MYO5B: variants seen among roughly 807,000 people sequenced by gnomAD.
The protein encoded by MYO5B is myosin VB.
In MYO5B, 143 loss-of-function variants were observed where a neutral mutation model predicts 229.3. The ratio of observed to expected loss-of-function variants is 0.62; its 90% confidence interval spans 0.54 to 0.72. The LOEUF is 0.72. Among genes scored for constraint, MYO5B ranks in the 30% least tolerant of loss-of-function variants. The probability of loss-of-function intolerance (pLI) is 0.00; values close to 1 mark genes in which losing one functional copy is unlikely to be tolerated. For missense variants in MYO5B, 2,321 were observed against 2,331.0 expected, an observed-to-expected ratio of 1.00 and a Z score of 0.09; for synonymous variants, 918 against 885.2, an observed-to-expected ratio of 1.04 and a Z score of -0.66.
chr18:50,105,632 TTTC>T lies in MYO5B; in HGVS notation c.28-50257_28-50255del, dbSNP rs534296202. Among the ~76,000 whole-genome samples the T allele has an allele frequency of 3.4e-3, 517 of 151,078 alleles. 3 individuals are homozygous for T. Among genetic ancestry groups the T allele is most frequent in the African/African-American group, 0.012 (490 of 40,404 alleles). On this transcript the variant is annotated intron_variant, in intron 1 of 39. Coordinates refer to ENST00000285039, the MANE Select transcript of MYO5B (RefSeq NM_001080467.3). ...AAAATTACTATGTTTGCAGGGTGCA[TTTC>T]TTTTTTTTTTTCTTTTTTGCAGTGT...
chr18:49,981,773 G>A (rs145493980), intron 8 of MYO5B, among the ~76,000 whole-genome samples: 75 of 152,216 alleles, frequency 4.9e-4, no homozygotes, highest in South Asian at 3.7e-3. Context: ...ATTTGAATAC[G>A]TGGTATTAGC....
At chr18:49,880,499 A>G (rs2024574743) in intron 22 of MYO5B, 44 bp from the exon 23 acceptor site, 1 of 1,469,474 alleles carries the variant, frequency 6.8e-7, no homozygotes, top group South Asian at 1.1e-5. Flanking sequence ...GATGCTGGGA[A>G]GAGGAGAGGC....
intron 9 of MYO5B, among the ~76,000 whole-genome samples, chr18:49,979,533 A>C (rs1260043494): frequency 6.6e-6 from 1 of 152,230 alleles, no homozygotes; most frequent in African/African-American, 2.4e-5. Context: ...CCCCAACTCT[A>C]GACAAACAGA....
intron 21 of MYO5B, among the ~76,000 whole-genome samples, chr18:49,896,232 A>G (rs1273330137): frequency 6.6e-6 from 1 of 152,168 alleles, no homozygotes; most frequent in Non-Finnish European, 1.5e-5. Flanking sequence ...TGCACAAGCC[A>G]CCAGTCCATT....
chr18:49,826,832 G>A (rs1313160411), intron 39 of MYO5B, among the ~76,000 whole-genome samples: 1 of 152,160 alleles, frequency 6.6e-6, no homozygotes, highest in Non-Finnish European at 1.5e-5. Context: ...AGATCAGAGG[G>A]CTGTAAGCAC....
chr18:50,148,811 A>C (rs2032546843), intron 1 of MYO5B, among the ~76,000 whole-genome samples: 1 of 152,100 alleles, frequency 6.6e-6, no homozygotes, highest in Non-Finnish European at 1.5e-5. Context: ...CCTATTCAAC[A>C]TAGTGTTGGA....
intron 22 of MYO5B, among the ~76,000 whole-genome samples, chr18:49,881,514 G>A (rs2024585085): frequency 6.6e-6 from 1 of 152,178 alleles, no homozygotes. Context: ...AATTAAAAGT[G>A]TGAAGAGGCC....
At chr18:50,082,539 C>T (rs1185738201) in intron 1 of MYO5B, among the ~76,000 whole-genome samples, 4 of 152,172 alleles carry the variant, frequency 2.6e-5, no homozygotes, top group South Asian at 2.1e-4. Flanking sequence ...AGGCTATCTG[C>T]GGATTGATAA....
At chr18:50,188,816 A>AAC (rs1555668147) in intron 1 of MYO5B, among the ~76,000 whole-genome samples, 238 of 141,230 alleles carry the variant, frequency 1.7e-3, no homozygotes, top group African/African-American at 2.1e-3. Context: ...AAAAAAAAAA[A>AAC]ACACACACAC....
At chr18:50,118,210 C>T (rs956989384) in intron 1 of MYO5B, among the ~76,000 whole-genome samples, 8 of 152,176 alleles carry the variant, frequency 5.3e-5, no homozygotes, top group African/African-American at 1.9e-4. Context: ...CCAGAACTTC[C>T]CTGGCTCAGC....
intron 31 of MYO5B, among the ~76,000 whole-genome samples, chr18:49,851,265 C>G (rs2144056640): frequency 6.6e-6 from 1 of 152,244 alleles, no homozygotes; most frequent in African/African-American, 2.4e-5. Flanking sequence ...AATGCTCAAG[C>G]AGAGGTGATT....
chr18:50,078,100 A>C (rs1040984349), intron 1 of MYO5B, among the ~76,000 whole-genome samples: 1 of 152,232 alleles, frequency 6.6e-6, no homozygotes, highest in Non-Finnish European at 1.5e-5. Context: ...CTTTACCCTA[A>C]GTGAATCCAT....
At chr18:49,976,018 A>T (rs75951138) in intron 9 of MYO5B, among the ~76,000 whole-genome samples, 3,520 of 152,306 alleles carry the variant, frequency 0.023, 158 homozygotes, top group African/African-American at 0.081. Context: ...CACTCTGAGA[A>T]AACCTGCTCA....
intron 1 of MYO5B, among the ~76,000 whole-genome samples, chr18:50,133,069 TGCTGCTGAG>T (rs2032278844): frequency 6.6e-6 from 1 of 152,236 alleles, no homozygotes; most frequent in African/African-American, 2.4e-5. Flanking sequence ...GACCAGTCTA[TGCTGCTGAG>T]GGCAGAATTA....
Position 49,890,508 on chromosome 18 carries a change from A to G in MYO5B, c.3045+4433T>C, listed in dbSNP as rs556029883. 3.6e-4 allele frequency among the ~76,000 whole-genome samples: 55 copies of G among 152,372 alleles called. 1 individual carries two copies. Among genetic ancestry groups the G allele is most frequent in the Admixed American group, 2.9e-3 (45 of 15,312 alleles). ...TATCTATGAGGCTAATACAGTACCT[A>G]TATTAAGTTAAGTAAATGCCCCAGC... On this transcript the variant is annotated intron_variant, in intron 22 of 39. Coordinates refer to ENST00000285039, the MANE Select transcript of MYO5B (RefSeq NM_001080467.3).
intron 17 of MYO5B, 36 bp downstream of exon 17, chr18:49,929,476 C>G (rs1279375365): frequency 1.3e-6 from 2 of 1,559,660 alleles, no homozygotes; most frequent in Non-Finnish European, 1.7e-6. Flanking sequence ...TGCTCTAGGG[C>G]AGCCCCAGGA....
chr18:50,046,493 T>C (rs2030230462), intron 2 of MYO5B, among the ~76,000 whole-genome samples: 1 of 152,214 alleles, frequency 6.6e-6, no homozygotes, highest in Non-Finnish European at 1.5e-5. Flanking sequence ...TCATTCCAAC[T>C]TCATTGGCTG....
chr18:49,996,177 G>T (rs905746373), intron 5 of MYO5B, among the ~76,000 whole-genome samples: 6 of 152,184 alleles, frequency 3.9e-5, no homozygotes, highest in African/African-American at 1.2e-4. Flanking sequence ...ACTGCCAAAA[G>T]ATTGGCCCTC....
intron 29 of MYO5B, among the ~76,000 whole-genome samples, chr18:49,858,005 G>A (rs539496332): frequency 1.3e-5 from 2 of 152,298 alleles, no homozygotes; most frequent in East Asian, 3.9e-4. Flanking sequence ...AGCCCTAAAT[G>A]AGGACCTGTA....
Sources: allele counts gnomAD v4.1 joint callset (sites outside exome capture counted in the v4.1 genomes callset), GRCh38; gene constraint gnomAD v4.1.1; transcripts MANE v1.5; gene names NCBI Gene and HGNC (gene_info 2026-07-23, HGNC 2026-07-21).